Variants in DPH5 observed in about 807,000 individuals in gnomAD.
DPH5 encodes the protein diphthamide biosynthesis 5, also known as diphthine methyl ester synthase.
In DPH5, 31 loss-of-function variants were observed where a neutral mutation model predicts 31.6. The observed-to-expected ratio is 0.98, with a 90% confidence interval of 0.74 to 1.32. The LOEUF (loss-of-function observed/expected upper bound fraction) is 1.32, where lower values mean the gene tolerates loss of function less well. DPH5 is among the 40% of genes most tolerant of loss of function. DPH5 has a pLI of 0.00. For missense variants in DPH5, 309 were observed against 335.7 expected, an observed-to-expected ratio of 0.92 and a Z score of 0.62; for synonymous variants, 120 against 115.0, an observed-to-expected ratio of 1.04 and a Z score of -0.28.
intron 3 of DPH5, among the ~76,000 whole-genome samples, chr1:101,019,789 G>A (rs896974556): frequency 6.6e-6 from 1 of 151,488 alleles, no homozygotes; most frequent in Non-Finnish European, 1.5e-5. Context: ...GGCTATATAC[G>A]ATGAATCACT....
Position 100,995,656 on chromosome 1 carries a change from G to C in DPH5, c.491-507C>G, listed in dbSNP as rs766029434. On this transcript the variant is annotated intron_variant, in intron 5 of 7. Coordinates refer to ENST00000370109, the MANE Select transcript of DPH5 (RefSeq NM_015958.3). ...TAACAGGGATTTGAGCATGGACTGTGTGTCAGACGCTGCGTCAGAGACTGG... is the reference window on the plus strand; with the variant it reads ...TAACAGGGATTTGAGCATGGACTGTCTGTCAGACGCTGCGTCAGAGACTGG... 4.6e-4 allele frequency: 71 copies of C among 154,318 alleles called. 1 individual carries two copies. The highest frequency in any genetic ancestry group is 8.5e-4 in the Non-Finnish European group (59 of 69,364). 9.6% of individuals were successfully genotyped at this position (154,318 alleles called of 1,614,324 possible). A position where few individuals can be genotyped will look rare whatever the true frequency, so the allele number is the denominator to read the frequency against.
chr1:100,998,484 G>A (rs1658567795), intron 5 of DPH5, among the ~76,000 whole-genome samples: 1 of 146,616 alleles, frequency 6.8e-6, no homozygotes, highest in South Asian at 2.2e-4. Context: ...ACTCCAGCCT[G>A]GATGACAGGG....
intron 3 of DPH5, among the ~76,000 whole-genome samples, chr1:101,014,608 T>A (rs1659936687): frequency 6.6e-6 from 1 of 152,118 alleles, no homozygotes; most frequent in Non-Finnish European, 1.5e-5. Flanking sequence ...AAGATGGGGG[T>A]GGCTGTGGCA....
chr1:100,995,697 T>G (rs1658287204), intron 5 of DPH5: 1 of 153,362 alleles, frequency 6.5e-6, no homozygotes, highest in Non-Finnish European at 1.5e-5. Context: ...CACAGGGACC[T>G]GACCAGATAT....
chr1:101,013,878 T>C (rs899423252), intron 3 of DPH5, 60 bp from the exon 4 acceptor site: 104 of 1,326,014 alleles, frequency 7.8e-5, no homozygotes, highest in Non-Finnish European at 1.0e-4. Flanking sequence ...ACAGTAAAGC[T>C]ATATTTCCTG....
intron 2 of DPH5, among the ~76,000 whole-genome samples, chr1:101,022,753 T>C (rs1359475140): frequency 6.6e-6 from 1 of 152,178 alleles, no homozygotes; most frequent in Non-Finnish European, 1.5e-5. Context: ...AATGAGTACA[T>C]GAACAAATTA....
intron 5 of DPH5, chr1:100,995,394 A>C: frequency 2.6e-6 from 1 of 386,488 alleles, no homozygotes; most frequent in East Asian, 4.8e-5. Flanking sequence ...TTGGAAAAGA[A>C]GACAAGGGAA....
chr1:101,002,551 T>G (rs1424455322), intron 4 of DPH5, among the ~76,000 whole-genome samples: 1 of 152,164 alleles, frequency 6.6e-6, no homozygotes, highest in African/African-American at 2.4e-5. Context: ...TCAAAGACAA[T>G]ATAAAACAGA....
At chr1:101,022,164 A>C (rs1261370926) in intron 2 of DPH5, among the ~76,000 whole-genome samples, 1 of 152,238 alleles carries the variant, frequency 6.6e-6, no homozygotes. Context: ...AAGTTTAAAC[A>C]AACATGGTGG....
chr1:101,016,594 C>G (rs182386649), intron 3 of DPH5, among the ~76,000 whole-genome samples: 3 of 151,538 alleles, frequency 2.0e-5, no homozygotes, highest in Admixed American at 6.6e-5. Flanking sequence ...TACAGGCACC[C>G]GCCACCACGC....
At chr1:100,995,187 A>G in intron 5 of DPH5, 38 bp from the exon 6 acceptor site, 3 of 1,446,430 alleles carry the variant, frequency 2.1e-6, no homozygotes, top group Non-Finnish European at 2.9e-6. Flanking sequence ...ATTTAATTAA[A>G]AGCTTTATCC....
intron 4 of DPH5, 59 bp from the exon 5 acceptor site, chr1:101,001,646 A>G (rs1429665983): frequency 1.5e-6 from 2 of 1,301,406 alleles, no homozygotes; most frequent in Admixed American, 4.5e-5. Flanking sequence ...ATAGATAAGG[A>G]GAGAATTTAA....
intron 5 of DPH5, among the ~76,000 whole-genome samples, chr1:100,999,429 G>T (rs986061793): frequency 3.3e-5 from 5 of 152,008 alleles, no homozygotes; most frequent in Admixed American, 6.6e-5. Context: ...CAGCCTGGGA[G>T]ACAGAGCGAG....
intron 3 of DPH5, among the ~76,000 whole-genome samples, chr1:101,017,394 C>T (rs368356260): frequency 5.3e-5 from 8 of 152,122 alleles, no homozygotes; most frequent in East Asian, 3.9e-4. Context: ...TGTGTGTATG[C>T]GTATGTACGT....
chr1:100,992,667 GAACA>G lies in DPH5; in HGVS notation c.600_603del (p.Val201LysfsTer21). On this transcript the variant is annotated frameshift_variant, in exon 7 of 8. Transcript: ENST00000370109. LOFTEE classifies it high-confidence loss of function. The stretch of plus-strand genomic sequence containing the variant: ...TCTTCTCCTCGTATTCTTTGATTTT[GAACA>G]ATCTCCAGAAGCTGCTGGGCTGCTT... 1.2e-6 allele frequency: 2 copies of G among 1,613,780 alleles called. No homozygotes were observed. Among genetic ancestry groups the G allele is most frequent in the Non-Finnish European group, 1.7e-6 (2 of 1,179,854 alleles).
intron 4 of DPH5, among the ~76,000 whole-genome samples, chr1:101,011,960 G>A (rs1162098124): frequency 1.4e-5 from 2 of 147,492 alleles, no homozygotes; most frequent in East Asian, 4.0e-4. Context: ...GAGTGCAATG[G>A]CGCGATCTCA....
At chr1:101,010,694 T>G (rs1296574921) in intron 4 of DPH5, among the ~76,000 whole-genome samples, 1 of 152,184 alleles carries the variant, frequency 6.6e-6, no homozygotes, top group African/African-American at 2.4e-5. Flanking sequence ...ACAGAATGCC[T>G]TTTCACAGTG....
Position 101,001,475 on chromosome 1 carries a change from CATA to C in DPH5, c.479_481del (p.Leu160del). The C allele has an allele frequency of 6.2e-7, 1 of 1,613,028 alleles. No homozygotes were observed. Among genetic ancestry groups the C allele is most frequent in the African/African-American group, 1.3e-5 (1 of 74,980 alleles). ...AATTCCAAAACCCTTACCTAGTAAA[CATA>C]ATGTGTGCATGCCATTTTGTCTGTT... On this transcript the variant is annotated inframe_deletion, in exon 5 of 8. Transcript: ENST00000370109.
chr1:101,009,954 T>C (rs1457162406), intron 4 of DPH5, among the ~76,000 whole-genome samples: 4 of 152,234 alleles, frequency 2.6e-5, no homozygotes, highest in African/African-American at 4.8e-5. Flanking sequence ...TCCTTCTTGA[T>C]TCATATCGAA....
Sources: allele counts gnomAD v4.1 joint callset (sites outside exome capture counted in the v4.1 genomes callset), GRCh38; gene constraint gnomAD v4.1.1; transcripts MANE v1.5; gene names NCBI Gene and HGNC (gene_info 2026-07-23, HGNC 2026-07-21).